The following MACF1 variants were observed in gnomAD, a reference collection of about 807,000 sequenced individuals.
MACF1 encodes microtubule actin crosslinking factor 1.
A neutral mutation model predicts 854.8 loss-of-function variants in MACF1; 193 were observed. That is an observed-to-expected ratio of 0.23 (90% CI 0.20 to 0.25). The LOEUF is 0.25. Among genes scored for constraint, MACF1 ranks in the 10% least tolerant of loss-of-function variants. MACF1 has a pLI of 1.00. For synonymous variants in MACF1, 3,185 were observed against 3,226.7 expected, an observed-to-expected ratio of 0.99 and a Z score of 0.44; for missense variants, 7,722 against 8,929.1, an observed-to-expected ratio of 0.86 and a Z score of 5.45.
In MACF1 at chr1:39,102,679, T is replaced by C. The variant is rs762000099; in HGVS notation, c.220+18241T>C. The C allele has an allele frequency of 2.1e-4, 144 of 680,620 alleles. 1 individual carries two copies. Among genetic ancestry groups the C allele is most frequent in the Non-Finnish European group, 5.4e-5 (20 of 373,826 alleles). 42.2% of individuals were successfully genotyped at this position (680,620 alleles called of 1,614,324 possible). ...CAAGGATAAAGGGCATTAATTTCCT[T>C]GTATTACTCTTCTCTTCCACTAGAT... On this transcript the variant is annotated intron_variant, in intron 2 of 93. Transcript: ENST00000361689.
chr1:39,243,574 A>T (rs1644948745), intron 2 of MACF1, among the ~76,000 whole-genome samples: 1 of 151,966 alleles, frequency 6.6e-6, no homozygotes, highest in African/African-American at 2.4e-5. Flanking sequence ...GCTGACTTTT[A>T]AAATTTTTTG....
At chr1:39,264,249 G>A (rs1645203751) in intron 6 of MACF1, among the ~76,000 whole-genome samples, 1 of 152,164 alleles carries the variant, frequency 6.6e-6, no homozygotes, top group South Asian at 2.1e-4. Context: ...TTGATACCTG[G>A]ACTGGAATTG....
At chr1:39,121,051 C>T (rs190429513) in intron 2 of MACF1, 1 of 152,398 alleles carries the variant, frequency 6.6e-6, no homozygotes, top group East Asian at 1.9e-4. Flanking sequence ...CACTAGAATG[C>T]AAACTTCTTA....
chr1:39,338,223 A>T (rs1401074695), intron 38 of MACF1, among the ~76,000 whole-genome samples: 8 of 151,160 alleles, frequency 5.3e-5, no homozygotes, highest in African/African-American at 1.9e-4. Context: ...ACTTCCTAAA[A>T]CTATACTAAG....
intron 2 of MACF1, among the ~76,000 whole-genome samples, chr1:39,176,539 G>A (rs1388266658): frequency 6.6e-6 from 1 of 152,048 alleles, no homozygotes; most frequent in African/African-American, 2.4e-5. Context: ...TTGCATATGA[G>A]GCTCTTTCCT....
intron 6 of MACF1, among the ~76,000 whole-genome samples, chr1:39,278,189 G>A (rs574842807): frequency 6.6e-6 from 1 of 152,168 alleles, no homozygotes; most frequent in Non-Finnish European, 1.5e-5. Flanking sequence ...GGAGATTAAG[G>A]TAAAAGCTTC....
rs145191130 is a variant in MACF1, at chr1:39,438,941, G to A, written c.18221-333G>A. Among the ~76,000 whole-genome samples the A allele has an allele frequency of 7.9e-3, 1,188 of 151,158 alleles. 32 individuals carry two copies. In the East Asian group the frequency reaches 0.087, roughly 11 times the overall value. On this transcript the variant is annotated intron_variant, in intron 71 of 100. Coordinates refer to ENST00000564288, the MANE Select transcript of MACF1 (RefSeq NM_001394062.1). ...CTACCAAAAATACAAAAATTAGCCA[G>A]GCATGGTGGCACATGCCTGTTATCC... is the stretch of plus-strand genomic sequence containing the variant.
rs188613265 is a variant in MACF1, at chr1:39,441,235, T to G, written c.18582T>G (p.Ala6194=). The G allele has an allele frequency of 4.3e-6, 7 of 1,614,110 alleles. No individual in the cohort carries two copies. Among genetic ancestry groups the G allele is most frequent in the Non-Finnish European group, 5.9e-6 (7 of 1,179,960 alleles). ...VRKSIDEMNN[A]WENLNKTWKE... ...TGTTTTTCCCCTAGATGAATAATGC[T>G]TGGGAGAACTTAAACAAAACATGGA... Residue 6194 remains alanine, a synonymous_variant, in exon 74 of 101, where the codon GCT becomes GCG. Coordinates refer to ENST00000564288, the MANE Select transcript of MACF1 (RefSeq NM_001394062.1).
At chr1:39,124,367 A>G (rs1326112475) in intron 2 of MACF1, among the ~76,000 whole-genome samples, 3 of 152,064 alleles carry the variant, frequency 2.0e-5, no homozygotes, top group Non-Finnish European at 4.4e-5. Context: ...ACAGTTTCTC[A>G]TATGTGTAAT....
At chr1:39,138,189 A>C (rs1643231988) in intron 2 of MACF1, among the ~76,000 whole-genome samples, 1 of 152,146 alleles carries the variant, frequency 6.6e-6, no homozygotes, top group South Asian at 2.1e-4. Flanking sequence ...TCTTGTTGAA[A>C]TACTTTCTTG....
intron 99 of MACF1, among the ~76,000 whole-genome samples, chr1:39,483,150 A>C (rs572290433): frequency 6.6e-6 from 1 of 151,688 alleles, no homozygotes; most frequent in South Asian, 2.1e-4. Context: ...CCTCCAGTTA[A>C]GCCTACTATC....
At chr1:39,287,213 T>C in intron 14 of MACF1, 73 bp from the exon 15 acceptor site, 2 of 1,452,690 alleles carry the variant, frequency 1.4e-6, no homozygotes, top group Admixed American at 2.1e-5. Context: ...GTCAAATGGA[T>C]AAGGAAGATT....
At chr1:39,181,584 G>A (rs1267166907) in intron 2 of MACF1, among the ~76,000 whole-genome samples, 2 of 151,934 alleles carry the variant, frequency 1.3e-5, no homozygotes, top group African/African-American at 4.8e-5. Flanking sequence ...AAAATGCAAG[G>A]GACCCAGAAT....
intron 58 of MACF1, among the ~76,000 whole-genome samples, chr1:39,415,826 A>C (rs1643283355): frequency 6.6e-6 from 1 of 152,172 alleles, no homozygotes; most frequent in Non-Finnish European, 1.5e-5. Flanking sequence ...CAGGAGTTAG[A>C]GGTTTAATCT....
intron 49 of MACF1, 86 bp downstream of exon 49, chr1:39,361,763 A>T (rs1451020451): frequency 6.2e-6 from 8 of 1,286,058 alleles, no homozygotes; most frequent in Non-Finnish European, 8.8e-6. Flanking sequence ...ATACTACATC[A>T]GTCAGTATAC....
At position 39,223,469 on chromosome 1, in the gene MACF1, TACAA is replaced by T. The variant is rs559010551; in HGVS notation, c.110-7712_110-7709del. On this transcript the variant is annotated intron_variant, in intron 1 of 100. Coordinates refer to ENST00000564288, the MANE Select transcript of MACF1 (RefSeq NM_001394062.1). Reference sequence around the variant, plus strand: ...GTTGTTGAGCATTAGAAAGAATAGATACAAGGTGCTTAGCACCTAAGTAGGTGCT... The same window carrying T: ...GTTGTTGAGCATTAGAAAGAATAGATGGTGCTTAGCACCTAAGTAGGTGCT... Among the ~76,000 whole-genome samples the T allele has an allele frequency of 2.0e-3, 304 of 152,282 alleles. 2 individuals are homozygous for T. The highest frequency in any genetic ancestry group is 7.1e-3 in the African/African-American group (294 of 41,564).
At chr1:39,449,201 G>GA (rs1246166805) in intron 84 of MACF1, among the ~76,000 whole-genome samples, 8 of 152,034 alleles carry the variant, frequency 5.3e-5, no homozygotes, top group African/African-American at 1.9e-4. Context: ...CCACTGAGGT[G>GA]GGTACCATTT....
intron 1 of MACF1, 47 bp from the exon 2 acceptor site, chr1:39,231,128 AACCTGTT>A: frequency 7.3e-7 from 1 of 1,373,114 alleles, no homozygotes; most frequent in Non-Finnish European, 1.0e-6. Context: ...GCAGCGTGGG[AACCTGTT>A]ACCTGGGTAG....
At chr1:39,090,631 A>C (rs1383703823) in intron 2 of MACF1, among the ~76,000 whole-genome samples, 2 of 152,180 alleles carry the variant, frequency 1.3e-5, no homozygotes, top group African/African-American at 4.8e-5. Flanking sequence ...AAAGGTATGG[A>C]ATGGCAGTTT....
Sources: allele counts gnomAD v4.1 joint callset (sites outside exome capture counted in the v4.1 genomes callset), GRCh38; gene constraint gnomAD v4.1.1; transcripts MANE v1.5; gene names NCBI Gene and HGNC (gene_info 2026-07-23, HGNC 2026-07-21).